The following EMSY variants were observed in gnomAD, a reference collection of about 807,000 sequenced individuals.
EMSY encodes the protein BRCA2-interacting transcriptional repressor EMSY.
A neutral mutation model predicts 134.6 loss-of-function variants in EMSY; 26 were observed. That is an observed-to-expected ratio of 0.19 (90% CI 0.14 to 0.27). The LOEUF (loss-of-function observed/expected upper bound fraction) is 0.27. Ranked by LOEUF, EMSY falls within the 10% of genes least tolerant of loss-of-function variation. The probability of loss-of-function intolerance (pLI) is 1.00; values close to 1 mark genes in which losing one functional copy is unlikely to be tolerated. For missense variants in EMSY, 1,305 were observed against 1,611.4 expected, an observed-to-expected ratio of 0.81 and a Z score of 3.26; for synonymous variants, 579 against 577.8, an observed-to-expected ratio of 1.00 and a Z score of -0.03.
chr11:76,450,177 C>CT (rs1565267512), intron 2 of EMSY, among the ~76,000 whole-genome samples: 3 of 151,680 alleles, frequency 2.0e-5, no homozygotes, highest in African/African-American at 7.3e-5. Flanking sequence ...GCAGGATTAG[C>CT]GCACCATTTG....
chr11:76,465,626 C>A (rs1948321674), intron 7 of EMSY, among the ~76,000 whole-genome samples: 1 of 147,630 alleles, frequency 6.8e-6, no homozygotes, highest in Non-Finnish European at 1.5e-5. Flanking sequence ...GCATCCTACT[C>A]TTTCATAGAA....
intron 13 of EMSY, among the ~76,000 whole-genome samples, chr11:76,527,054 TA>T (rs1460482172): frequency 7.2e-5 from 11 of 152,162 alleles, no homozygotes; most frequent in African/African-American, 2.7e-4. Flanking sequence ...GAACAATAGA[TA>T]AGCTAGAGTT....
At chr11:76,538,299 G>A (rs1438027640) in intron 16 of EMSY, among the ~76,000 whole-genome samples, 3 of 152,072 alleles carry the variant, frequency 2.0e-5, no homozygotes, top group South Asian at 4.2e-4. Flanking sequence ...CACGCCCATC[G>A]CTCAGGCTGG....
At chr11:76,540,825 G>A (rs1382337868) in intron 17 of EMSY, among the ~76,000 whole-genome samples, 3 of 152,214 alleles carry the variant, frequency 2.0e-5, no homozygotes, top group Non-Finnish European at 2.9e-5. Context: ...AATCCCAAAA[G>A]CCTTAGCTAA....
intron 8 of EMSY, among the ~76,000 whole-genome samples, chr11:76,475,021 A>G (rs1948722373): frequency 1.3e-5 from 2 of 152,134 alleles, no homozygotes; most frequent in African/African-American, 4.8e-5. Context: ...GCTTCAGCCT[A>G]CCAAGGTGCT....
chr11:76,507,880 C>CT (rs1194055211), intron 9 of EMSY, among the ~76,000 whole-genome samples: 8 of 94,236 alleles, frequency 8.5e-5, no homozygotes, highest in African/African-American at 3.2e-4. Flanking sequence ...TTTTTTTTTT[C>CT]TTTTTTTTGA....
At chr11:76,542,135 C>T in intron 17 of EMSY, 81 bp from the exon 19 acceptor site, 7 of 1,532,134 alleles carry the variant, frequency 4.6e-6, no homozygotes, top group Non-Finnish European at 6.3e-6. Flanking sequence ...TACAAGCTCA[C>T]AGACATTTGT....
At chr11:76,488,087 G>C (rs1949264278) in intron 8 of EMSY, among the ~76,000 whole-genome samples, 1 of 152,214 alleles carries the variant, frequency 6.6e-6, no homozygotes, top group Non-Finnish European at 1.5e-5. Flanking sequence ...AATGTAGCCT[G>C]AACTACAGTT....
At chr11:76,451,536 T>TA (rs1418152955) in intron 2 of EMSY, among the ~76,000 whole-genome samples, 1 of 152,268 alleles carries the variant, frequency 6.6e-6, no homozygotes, top group East Asian at 1.9e-4. Flanking sequence ...TCAGCCTTGT[T>TA]ACATCAGTTG....
At chr11:76,461,695 G>T (rs944310241) in intron 6 of EMSY, among the ~76,000 whole-genome samples, 1 of 152,200 alleles carries the variant, frequency 6.6e-6, no homozygotes, top group African/African-American at 2.4e-5. Flanking sequence ...ACTTTGGGAG[G>T]CTGAGGTGGG....
At chr11:76,480,485 C>G (rs1948928739) in intron 8 of EMSY, among the ~76,000 whole-genome samples, 2 of 152,188 alleles carry the variant, frequency 1.3e-5, no homozygotes, top group South Asian at 4.1e-4. Flanking sequence ...TCTCATCTTC[C>G]AGTTGAAATT....
intron 13 of EMSY, 115 bp from the exon 15 acceptor site, chr11:76,528,151 GTA>G (rs1950909809): frequency 1.2e-6 from 1 of 861,622 alleles, no homozygotes; most frequent in African/African-American, 1.7e-5. Flanking sequence ...TGCCTAAAAA[GTA>G]TAACGTACAG....
exon 11 of EMSY, chr11:76,516,271 C>G: frequency 6.2e-7 from 1 of 1,612,396 alleles, no homozygotes; most frequent in Non-Finnish European, 8.5e-7. Flanking sequence ...AAATCATTAG[C>G]TACCTTGGGG....
chr11:76,486,216 A>G (rs1182036624), intron 8 of EMSY, among the ~76,000 whole-genome samples: 1 of 152,058 alleles, frequency 6.6e-6, no homozygotes, highest in Non-Finnish European at 1.5e-5. Flanking sequence ...ACACATGGAC[A>G]CAGGGAGGGG....
rs1376046956 is a variant in EMSY, at chr11:76,500,191, T to TA, written c.1363+3728dup. ...ATTTGAAATAATTTTATCTTTCTAG[T>TA]AAAAAAGGGAGATTTCACCATATCT... On this transcript the variant is annotated intron_variant, in intron 9 of 20. Transcript: ENST00000334736. Among the ~76,000 whole-genome samples, 5 of 152,030 alleles carry TA rather than the reference T, an allele frequency of 3.3e-5. No homozygotes were observed. In the South Asian group the frequency reaches 1.0e-3, roughly 31 times the overall value.
At chr11:76,488,814 T>A (rs1949298771) in intron 8 of EMSY, among the ~76,000 whole-genome samples, 1 of 152,190 alleles carries the variant, frequency 6.6e-6, no homozygotes, top group African/African-American at 2.4e-5. Context: ...TGGGGCTTTT[T>A]TCTTGGGTAA....
At chr11:76,458,980 G>A (rs1947992208) in intron 5 of EMSY, 1 of 152,160 alleles carries the variant, frequency 6.6e-6, no homozygotes, top group Non-Finnish European at 1.5e-5. Flanking sequence ...CAATGCATTT[G>A]TCAGGTTACT....
intron 14 of EMSY, among the ~76,000 whole-genome samples, chr11:76,530,437 A>G (rs1262649866): frequency 6.6e-6 from 1 of 152,198 alleles, no homozygotes. Flanking sequence ...CTGGGATTAT[A>G]GGCGTGAGCC....
At chr11:76,493,272 G>C (rs1257846556) in intron 8 of EMSY, among the ~76,000 whole-genome samples, 2 of 152,212 alleles carry the variant, frequency 1.3e-5, no homozygotes, top group Non-Finnish European at 2.9e-5. Context: ...GTGCCAATGA[G>C]CACGGGAAGG....
Sources: allele counts gnomAD v4.1 joint callset (sites outside exome capture counted in the v4.1 genomes callset), GRCh38; gene constraint gnomAD v4.1.1; transcripts MANE v1.5; gene names NCBI Gene and HGNC (gene_info 2026-07-23, HGNC 2026-07-21).